RASSF3: variants seen among roughly 807,000 people sequenced by gnomAD.
The protein encoded by RASSF3 is Ras association domain family member 3.
In RASSF3, 19 loss-of-function variants were observed where a neutral mutation model predicts 19.9. That is an observed-to-expected ratio of 0.96 (90% CI 0.67 to 1.40). RASSF3 has a LOEUF of 1.40. RASSF3 is among the 40% of genes most tolerant of loss of function. The probability of loss-of-function intolerance (pLI) is 0.00; values close to 1 mark genes in which losing one functional copy is unlikely to be tolerated. For missense variants in RASSF3, 306 were observed against 289.8 expected, an observed-to-expected ratio of 1.06 and a Z score of -0.41; for synonymous variants, 110 against 104.2, an observed-to-expected ratio of 1.06 and a Z score of -0.34.
chr12:64,668,511 G>T (rs1217026626), intron 1 of RASSF3, among the ~76,000 whole-genome samples: 2 of 151,972 alleles, frequency 1.3e-5, no homozygotes, highest in Non-Finnish European at 2.9e-5. Context: ...AGCTCAAAGC[G>T]ATCTGCCTGA....
At chr12:64,570,274 A>G (rs1592404000) in intron 2 of RASSF3, among the ~76,000 whole-genome samples, 1 of 152,346 alleles carries the variant, frequency 6.6e-6, no homozygotes, top group East Asian at 1.9e-4. Flanking sequence ...GATGCTGATT[A>G]TACAGATTTC....
chr12:64,668,827 G>A (rs1872607708), intron 1 of RASSF3, among the ~76,000 whole-genome samples: 1 of 151,652 alleles, frequency 6.6e-6, no homozygotes, highest in South Asian at 2.1e-4. Flanking sequence ...GACTACAGGC[G>A]CCTGCCACCG....
At chr12:64,630,156 A>G (rs955491549) in intron 1 of RASSF3, among the ~76,000 whole-genome samples, 1 of 152,104 alleles carries the variant, frequency 6.6e-6, no homozygotes, top group Non-Finnish European at 1.5e-5. Context: ...CATTGATTTT[A>G]AGATTTTTCA....
chr12:64,575,197 C>A (rs900164554), intron 2 of RASSF3, among the ~76,000 whole-genome samples: 3 of 152,242 alleles, frequency 2.0e-5, no homozygotes, highest in African/African-American at 7.2e-5. Flanking sequence ...CAAATCAACA[C>A]ACATAAACCA....
chr12:64,552,000 A>G (rs924958405), intron 2 of RASSF3, among the ~76,000 whole-genome samples: 2 of 152,214 alleles, frequency 1.3e-5, no homozygotes, highest in African/African-American at 2.4e-5. Context: ...AGCCATCAGA[A>G]AACCCCTGGG....
intron 1 of RASSF3, among the ~76,000 whole-genome samples, chr12:64,632,599 A>G (rs1347276848): frequency 2.0e-5 from 3 of 152,048 alleles, no homozygotes; most frequent in African/African-American, 4.8e-5. Context: ...GACGAGAGAA[A>G]AGAAGGAGGT....
intron 1 of RASSF3, among the ~76,000 whole-genome samples, chr12:64,643,439 A>G: frequency 6.6e-6 from 1 of 152,174 alleles, no homozygotes; most frequent in East Asian, 1.9e-4. Flanking sequence ...AGACTAAGGC[A>G]GAACGACCGC....
intron 2 of RASSF3, among the ~76,000 whole-genome samples, chr12:64,574,450 C>T (rs1259735527): frequency 6.6e-6 from 1 of 152,114 alleles, no homozygotes; most frequent in East Asian, 1.9e-4. Context: ...CACTTCTTTG[C>T]CCCTCCTGTT....
intron 1 of RASSF3, among the ~76,000 whole-genome samples, chr12:64,540,290 T>C (rs926412503): frequency 2.6e-5 from 4 of 152,218 alleles, no homozygotes; most frequent in African/African-American, 7.2e-5. Context: ...AGAAATCTAT[T>C]TGCTGGTGAA....
chr12:64,690,325 G>T lies in RASSF3; in HGVS notation c.458-1145G>T, dbSNP rs372606800. Among the ~76,000 whole-genome samples the T allele has an allele frequency of 1.1e-4, 16 of 152,162 alleles. No individual in the cohort carries two copies. In the East Asian group the frequency reaches 2.3e-3, roughly 22 times the overall value. ...GCCTCCCAAGTAGCTACAATTACAA[G>T]TGCCCACCACCATGCCCAGCTAACT... On this transcript the variant is annotated intron_variant, in intron 3 of 4. Transcript: ENST00000542104.
chr12:64,696,239 G>C lies in RASSF3; in HGVS notation c.*1327G>C, dbSNP rs1231276578. On this transcript the variant is annotated 3_prime_UTR_variant, in exon 5 of 5. Coordinates refer to ENST00000542104, the MANE Select transcript of RASSF3 (RefSeq NM_178169.4). ...CCTACCAGATCTTTAGTTCTAAAGGGCAACTTGACTGTGAGTAGGAGGGCC... is the reference window on the plus strand; with the variant it reads ...CCTACCAGATCTTTAGTTCTAAAGGCCAACTTGACTGTGAGTAGGAGGGCC... The C allele has an allele frequency of 6.6e-6, 1 of 151,772 alleles. No individual in the cohort carries two copies. Among genetic ancestry groups the C allele is most frequent in the Non-Finnish European group, 1.5e-5 (1 of 67,982 alleles). The allele number at this position is 151,772 out of a possible 1,614,324, so 9.4% of individuals were successfully genotyped here. A position where few individuals can be genotyped will look rare whatever the true frequency, so the allele number is the denominator to read the frequency against.
intron 2 of RASSF3, among the ~76,000 whole-genome samples, chr12:64,565,926 C>CGTG (rs1869423726): frequency 6.8e-6 from 1 of 146,522 alleles, no homozygotes; most frequent in African/African-American, 2.5e-5. Context: ...TGCAGCCGGG[C>CGTG]GTGGTGGCTC....
At chr12:64,513,045 T>G (rs1340277010) in intron 1 of RASSF3, among the ~76,000 whole-genome samples, 3 of 152,064 alleles carry the variant, frequency 2.0e-5, no homozygotes, top group Non-Finnish European at 4.4e-5. Context: ...ACAGAAGCTC[T>G]CCCGAAGCAA....
intron 1 of RASSF3, chr12:64,515,674 G>A (rs2136100059): frequency 1.3e-5 from 2 of 152,170 alleles, no homozygotes; most frequent in Non-Finnish European, 2.9e-5. Context: ...CTTTGGAGTG[G>A]GCTTTTAAAA....
At chr12:64,603,476 A>G (rs888741862) in intron 2 of RASSF3, among the ~76,000 whole-genome samples, 4 of 152,200 alleles carry the variant, frequency 2.6e-5, no homozygotes, top group Admixed American at 2.0e-4. Context: ...ATTAGGTCCT[A>G]GATATGTTGG....
At chr12:64,633,297 C>G (rs565249078) in intron 1 of RASSF3, among the ~76,000 whole-genome samples, 2 of 152,254 alleles carry the variant, frequency 1.3e-5, no homozygotes, top group East Asian at 3.9e-4. Context: ...TATGTTGAAA[C>G]GTGATCCACA....
upstream of RASSF3, among the ~76,000 whole-genome samples, chr12:64,605,839 G>T (rs913188543): frequency 1.5e-5 from 2 of 136,858 alleles, no homozygotes; most frequent in Middle Eastern, 8.5e-3. Flanking sequence ...GGTGAGCCGA[G>T]ATTGCACCAT....
chr12:64,631,571 G>T (rs913958276), intron 1 of RASSF3, among the ~76,000 whole-genome samples: 3 of 151,550 alleles, frequency 2.0e-5, no homozygotes, highest in Non-Finnish European at 1.5e-5. Context: ...ATGTATGTAT[G>T]TATGTATGTA....
intron 1 of RASSF3, among the ~76,000 whole-genome samples, chr12:64,640,951 A>T (rs536080465): frequency 6.6e-6 from 1 of 151,854 alleles, no homozygotes; most frequent in South Asian, 2.1e-4. Context: ...TCACTCCCTC[A>T]CTCAGCCTAG....
Sources: allele counts gnomAD v4.1 joint callset (sites outside exome capture counted in the v4.1 genomes callset), GRCh38; gene constraint gnomAD v4.1.1; transcripts MANE v1.5; gene names NCBI Gene and HGNC (gene_info 2026-07-23, HGNC 2026-07-21).